The following EPB42 variants were observed in gnomAD, a reference collection of about 807,000 sequenced individuals.
EPB42 encodes protein 4.2.
A neutral mutation model predicts 76.9 loss-of-function variants in EPB42; 49 were observed. That is an observed-to-expected ratio of 0.64 (90% CI 0.51 to 0.81). EPB42 has a LOEUF of 0.81. Ranked by LOEUF, EPB42 falls within the 30% of genes least tolerant of loss-of-function variation. The pLI, the probability that EPB42 is intolerant of heterozygous loss-of-function variation, is 0.00. For missense variants in EPB42, 731 were observed against 867.6 expected (o/e 0.84, Z 1.98); for synonymous variants, 310 against 338.4 (o/e 0.92, Z 0.92).
chr15:43,202,359 G>A (rs497138), intron 11 of EPB42, among the ~76,000 whole-genome samples: 1 of 152,046 alleles, frequency 6.6e-6, no homozygotes, highest in African/African-American at 2.4e-5. Flanking sequence ...CCCAGCACAC[G>A]CCTCACGCTA....
chr15:43,212,533 G>GA (rs1375926530), intron 3 of EPB42, among the ~76,000 whole-genome samples: 3 of 150,790 alleles, frequency 2.0e-5, no homozygotes, highest in African/African-American at 5.0e-5. Context: ...AGGTGTTTCA[G>GA]AAAAAAGACA....
intron 1 of EPB42, among the ~76,000 whole-genome samples, chr15:43,220,518 C>G (rs1212581177): frequency 6.6e-6 from 1 of 152,036 alleles, no homozygotes; most frequent in Non-Finnish European, 1.5e-5. Context: ...CCAGTTTACC[C>G]CAACATGCTA....
chr15:43,218,482 G>A (rs757202452), intron 1 of EPB42, among the ~76,000 whole-genome samples: 2 of 152,176 alleles, frequency 1.3e-5, no homozygotes, highest in South Asian at 4.2e-4. Flanking sequence ...GACTCCCACA[G>A]TACTCTGCTC....
chr15:43,208,974 T>C (rs916966938), intron 6 of EPB42, among the ~76,000 whole-genome samples, 199 bp from the exon 7 acceptor site: 2 of 152,068 alleles, frequency 1.3e-5, no homozygotes, highest in Non-Finnish European at 2.9e-5. Flanking sequence ...ATGCGGGGCA[T>C]ATACCAGGGG....
At chr15:43,208,449 C>G in intron 7 of EPB42, 116 bp from the exon 8 acceptor site, 1 of 1,406,682 alleles carries the variant, frequency 7.1e-7, no homozygotes, top group Non-Finnish European at 1.0e-6. Flanking sequence ...GTCACTGTGT[C>G]AAAGTGGCTG....
chr15:43,198,642 C>G (rs915174493), intron 12 of EPB42, among the ~76,000 whole-genome samples: 1 of 152,208 alleles, frequency 6.6e-6, no homozygotes, highest in Non-Finnish European at 1.5e-5. Context: ...TTCAAGCTGG[C>G]TGCAGAAATT....
chr15:43,210,791 C>T (rs926842600), intron 4 of EPB42, among the ~76,000 whole-genome samples: 33 of 152,192 alleles, frequency 2.2e-4, no homozygotes, highest in Non-Finnish European at 1.9e-4. Context: ...AGCCCTGAAC[C>T]GGGAGTGGAG....
rs1348145258 is a variant in EPB42 at position 43,208,792 on chromosome 15, G to A, written c.833-17C>T. 15 of 1,613,020 alleles carry A rather than the reference G, an allele frequency of 9.3e-6. No homozygotes were observed. Among genetic ancestry groups the A allele is most frequent in the Admixed American group, 5.0e-5 (3 of 59,898 alleles). On this transcript the variant is annotated splice_polypyrimidine_tract_variant and intron_variant, in intron 6 of 12. Transcript: ENST00000441366. The stretch of plus-strand genomic sequence containing the variant: ...ATCGCAGCACTGTGAGAAGAGGGGC[G>A]GAGTGTCAGGGGGCGCTTGAGAGAC...
upstream of EPB42, among the ~76,000 whole-genome samples, chr15:43,225,649 G>A (rs1249036137): frequency 2.0e-5 from 3 of 152,178 alleles, no homozygotes; most frequent in Non-Finnish European, 4.4e-5. Context: ...CCAGCAGGGG[G>A]AGACAAACAA....
In EPB42 at chr15:43,213,470, G is replaced by A. The variant is rs543984305; in HGVS notation, c.430+1625C>T. ...AGACCTCCACCCACACTCAGGCAGA[G>A]AGGCCCTCCCTAGGCAGGTCCCTAC... On this transcript the variant is annotated intron_variant, in intron 3 of 12. Coordinates refer to ENST00000441366, the MANE Select transcript of EPB42 (RefSeq NM_001114134.2). Among the ~76,000 whole-genome samples the A allele has an allele frequency of 7.2e-5, 11 of 152,302 alleles. No individual in the cohort carries two copies. The South Asian group carries it at 2.3e-3, about 32-fold the overall frequency.
chr15:43,215,107 G>A lies in EPB42; in HGVS notation c.418C>T (p.Pro140Ser). Residue 140 changes from proline to serine, a missense_variant, in exon 3 of 13, where the codon CCC becomes TCC. Transcript: ENST00000441366. ...LLGQFTLLFN[P>S]WNREDAVFLK... Reference sequence around the variant, plus strand: ...GGTCCAAACTTACCTCTATTCCAGGGGTTAAAAAGCAGTGTGAACTGACCC... The same window carrying A: ...GGTCCAAACTTACCTCTATTCCAGGAGTTAAAAAGCAGTGTGAACTGACCC... The A allele has an allele frequency of 1.2e-6, 2 of 1,614,070 alleles. No homozygotes were observed. Among genetic ancestry groups the A allele is most frequent in the Non-Finnish European group, 1.7e-6 (2 of 1,179,968 alleles).
chr15:43,200,086 T>A (rs187951618), intron 12 of EPB42, among the ~76,000 whole-genome samples: 206 of 152,262 alleles, frequency 1.4e-3, no homozygotes, highest in African/African-American at 4.9e-3. Context: ...TAGCAGGGCT[T>A]ATTGAGAGGA....
At chr15:43,201,763 AAG>A (rs766057654) in intron 12 of EPB42, 79 bp downstream of exon 12, 15 of 1,598,126 alleles carry the variant, frequency 9.4e-6, no homozygotes, top group Admixed American at 8.3e-5. Context: ...GGACATGGCA[AAG>A]AGAGAGTTTC....
rs1416518008 is a variant in EPB42, at chr15:43,220,879, C to G, written c.-54G>C. On this transcript the variant is annotated 5_prime_UTR_variant, in exon 1 of 13. Transcript: ENST00000441366. Reference sequence around the variant, plus strand: ...GGCCGCAGAAAGCGCCTCTCTCAAACTGTTGCTTCTGGGCTCCTTCTGGGC... The same window carrying G: ...GGCCGCAGAAAGCGCCTCTCTCAAAGTGTTGCTTCTGGGCTCCTTCTGGGC... 6.6e-7 allele frequency: 1 copy of G among 1,525,582 alleles called. No homozygotes were observed. The highest frequency in any genetic ancestry group is 9.0e-7 in the Non-Finnish European group (1 of 1,108,626). The allele number at this position is 1,525,582 out of a possible 1,614,324, so 94.5% of individuals were successfully genotyped here.
In EPB42 at chr15:43,212,228, G is replaced by A. The variant is rs1423368732; in HGVS notation, c.431-694C>T. ...ACTAAAAATACAAAAAATTAGGTGG[G>A]TGTGGTGGCACGTGCTTGTAGTTCC... On this transcript the variant is annotated intron_variant, in intron 3 of 12. Coordinates refer to ENST00000441366, the MANE Select transcript of EPB42 (RefSeq NM_001114134.2). Among the ~76,000 whole-genome samples the A allele has an allele frequency of 2.6e-5, 4 of 152,084 alleles. No homozygotes were observed. In the East Asian group the frequency reaches 7.7e-4, roughly 29 times the overall value.
At chr15:43,204,973 C>CT (rs955272069) in intron 10 of EPB42, among the ~76,000 whole-genome samples, 12 of 145,436 alleles carry the variant, frequency 8.3e-5, no homozygotes, top group Admixed American at 2.7e-4. Flanking sequence ...CGCCCCCCCC[C>CT]CAAAAAAAAG....
At chr15:43,204,046 C>T (rs1242128604) in intron 10 of EPB42, among the ~76,000 whole-genome samples, 1 of 152,196 alleles carries the variant, frequency 6.6e-6, no homozygotes, top group Non-Finnish European at 1.5e-5. Flanking sequence ...TTATTTTCCT[C>T]AGCATAGAAG....
chr15:43,207,072 G>C (rs1362552763), intron 9 of EPB42, 127 bp downstream of exon 9: 1 of 1,420,598 alleles, frequency 7.0e-7, no homozygotes, highest in Non-Finnish European at 9.7e-7. Context: ...AAATGGGGTT[G>C]AGAAACCCTG....
At chr15:43,221,155 C>T, upstream of EPB42, 1 of 391,552 alleles carries the variant, frequency 2.6e-6, no homozygotes, top group Non-Finnish European at 4.9e-6. Flanking sequence ...GACCTGCCAA[C>T]TAGAGAAGCC....
Sources: gnomAD v4.1 joint callset for allele counts (sites outside exome capture counted in the v4.1 genomes callset) on GRCh38, gnomAD v4.1.1 for gene constraint, MANE v1.5 for transcripts, NCBI Gene and HGNC (gene_info 2026-07-23, HGNC 2026-07-21) for gene names.